The following PCM1 variants were observed in gnomAD, a reference collection of about 807,000 sequenced individuals.
The protein encoded by PCM1 is pericentriolar material 1, also known as pericentriolar material 1 protein.
A neutral mutation model predicts 241.9 loss-of-function variants in PCM1; 157 were observed. The observed-to-expected ratio is 0.65, with a 90% CI of 0.57 to 0.74. The LOEUF (loss-of-function observed/expected upper bound fraction) is 0.74, where lower values mean the gene tolerates loss of function less well. Among genes scored for constraint, PCM1 ranks in the 30% least tolerant of loss-of-function variants. The pLI is 0.00. For missense variants in PCM1, 3,478 were observed against 2,360.1 expected (o/e 1.47, Z -9.81); for synonymous variants, 1,085 against 784.9 (o/e 1.38, Z -6.39).
chr8:17,959,492 A>G (rs1274841924), intron 13 of PCM1, among the ~76,000 whole-genome samples: 1 of 152,116 alleles, frequency 6.6e-6, no homozygotes, highest in Admixed American at 6.5e-5. Context: ...GCTTTTGTGC[A>G]TTTGTGTTTT....
intron 29 of PCM1, among the ~76,000 whole-genome samples, chr8:18,000,655 CT>C (rs1292661708): frequency 4.6e-5 from 7 of 152,068 alleles, no homozygotes; most frequent in African/African-American, 1.7e-4. Flanking sequence ...GAGGCTCACT[CT>C]TATCACCCAG....
At chr8:17,944,031 A>G (rs1271568562) in intron 6 of PCM1, among the ~76,000 whole-genome samples, 2 of 152,230 alleles carry the variant, frequency 1.3e-5, no homozygotes, top group Non-Finnish European at 2.9e-5. Context: ...GGCAAAAGAA[A>G]GCCTTCTACG....
intron 33 of PCM1, 113 bp downstream of exon 33, chr8:18,011,479 T>A: frequency 8.9e-7 from 1 of 1,128,942 alleles, no homozygotes; most frequent in South Asian, 1.8e-5. Context: ...GAACTCTGAT[T>A]TTGAATTTCA....
chr8:17,967,741 C>G (rs760882967), intron 21 of PCM1, among the ~76,000 whole-genome samples: 2 of 152,330 alleles, frequency 1.3e-5, no homozygotes, highest in Non-Finnish European at 2.9e-5. Context: ...ATACTAGGCA[C>G]TGTGTAAAAC....
intron 21 of PCM1, among the ~76,000 whole-genome samples, chr8:17,968,052 C>T (rs1244804075): frequency 6.7e-5 from 9 of 133,556 alleles, no homozygotes; most frequent in Non-Finnish European, 1.1e-4. Flanking sequence ...TCAGTTCCGC[C>T]GCCAAAAAAA....
At chr8:17,962,534 T>C (rs139255979) in intron 16 of PCM1, among the ~76,000 whole-genome samples, 67 of 152,258 alleles carry the variant, frequency 4.4e-4, no homozygotes, top group African/African-American at 1.5e-3. Context: ...CCTTTGACAT[T>C]TTATTTATAT....
chr8:18,014,688 T>A lies in PCM1; in HGVS notation c.5689T>A (p.Ser1897Thr). ...TAAGGAGTCACCTCCTACTGTTGAT[T>A]CAACTCAACAGCCTAACCCTTTGCC... ...AHKESPPTVD[S>T]TQQPNPLPLR... Residue 1897 changes from serine (S) to threonine (T), a missense_variant, in exon 36 of 39, where the codon TCA becomes ACA. Physicochemically the swap from Ser to Thr is moderately conservative, Grantham distance 58. Coordinates refer to ENST00000325083, the MANE Select transcript of PCM1 (RefSeq NM_006197.4). The A allele has an allele frequency of 6.2e-7, 1 of 1,613,872 alleles. No individual in the cohort carries two copies. The highest frequency in any genetic ancestry group is 8.5e-7 in the Non-Finnish European group (1 of 1,179,860).
chr8:18,009,432 A>G lies in PCM1; in HGVS notation c.4963-115A>G, dbSNP rs529709414. The G allele has an allele frequency of 3.4e-5, 23 of 677,920 alleles. No individual in the cohort carries two copies. In the African/African-American group the frequency reaches 3.8e-4, roughly 11 times the overall value. 42.0% of individuals were successfully genotyped at this position (677,920 alleles called of 1,614,324 possible). ...TATTCTTTAGTAATACTAACAACCTATCTTTCCTTAGTAATCATAAACATT... is the reference window on the plus strand; with the variant it reads ...TATTCTTTAGTAATACTAACAACCTGTCTTTCCTTAGTAATCATAAACATT... On this transcript the variant is annotated intron_variant, in intron 30 of 38. Transcript: ENST00000325083.
Position 18,023,298 on chromosome 8 carries a change from C to T in PCM1, c.5842-2063C>T, listed in dbSNP as rs118016637. Reference sequence around the variant, plus strand: ...TGTTTGTACATGAAGTGATCCCTTACAAAAGAACTCCCTGTGATCTCCCAA... The same window carrying T: ...TGTTTGTACATGAAGTGATCCCTTATAAAAGAACTCCCTGTGATCTCCCAA... On this transcript the variant is annotated intron_variant, in intron 36 of 38. Coordinates refer to ENST00000325083, the MANE Select transcript of PCM1 (RefSeq NM_006197.4). 3.2e-4 allele frequency among the ~76,000 whole-genome samples: 49 copies of T among 152,266 alleles called. No homozygotes were observed. The East Asian group carries it at 8.5e-3, about 26-fold the overall frequency.
rs2068127512 is a variant in PCM1, at chr8:17,955,846, T to TA, written c.1472+194dup. The stretch of plus-strand genomic sequence containing the variant: ...GTTGTCTAAGAGATGTGATGTAACA[T>TA]AGTTTCTGTGAACTGATGTTACTTT... On this transcript the variant is annotated intron_variant, in intron 10 of 38. Coordinates refer to ENST00000325083, the MANE Select transcript of PCM1 (RefSeq NM_006197.4). 88 of 587,828 alleles carry TA rather than the reference T, an allele frequency of 1.5e-4. 2 individuals are homozygous for TA. The South Asian group carries it at 1.8e-3, about 12-fold the overall frequency. The allele number at this position is 587,828 out of a possible 1,614,324, so 36.4% of individuals were successfully genotyped here. A position where few individuals can be genotyped will look rare whatever the true frequency, so the allele number is the denominator to read the frequency against.
At chr8:18,001,526 C>T (rs1436278138) in intron 29 of PCM1, among the ~76,000 whole-genome samples, 1 of 152,152 alleles carries the variant, frequency 6.6e-6, no homozygotes, top group African/African-American at 2.4e-5. Flanking sequence ...CAGATGGAGA[C>T]ATGTGCAACA....
chr8:18,018,911 T>TATAA (rs748291486), intron 36 of PCM1, among the ~76,000 whole-genome samples: 12,268 of 123,544 alleles, frequency 0.099, 1,026 homozygotes, highest in East Asian at 0.27. Flanking sequence ...TATATATATA[T>TATAA]AAATATATAA....
chr8:18,008,034 A>G (rs768871535), intron 30 of PCM1, among the ~76,000 whole-genome samples: 2 of 152,238 alleles, frequency 1.3e-5, no homozygotes, highest in Non-Finnish European at 2.9e-5. Flanking sequence ...TTATTCAAGC[A>G]CAGTGTTGGA....
At chr8:18,021,045 T>C (rs147811005) in intron 36 of PCM1, among the ~76,000 whole-genome samples, 1 of 152,308 alleles carries the variant, frequency 6.6e-6, no homozygotes, top group African/African-American at 2.4e-5. Flanking sequence ...ATATGCATTT[T>C]GAATGAACTC....
rs957724175 is a variant in PCM1 at position 17,955,538 on chromosome 8, G to T, written c.1357G>T (p.Val453Phe). The T allele has an allele frequency of 1.1e-5, 17 of 1,613,556 alleles. No homozygotes were observed. The highest frequency in any genetic ancestry group is 1.2e-5 in the Non-Finnish European group (14 of 1,179,716). Residue 453 changes from valine (V) to phenylalanine (F), a missense_variant, in exon 10 of 39, where the codon GTT becomes TTT. By Grantham distance (50) the Val-to-Phe change is conservative. Coordinates refer to ENST00000325083, the MANE Select transcript of PCM1 (RefSeq NM_006197.4). ...CTCTGCTTCTGTAGGCTTGGCACCG[G>T]TTGTCAATGGAGAATCCAATAGCCT... is the stretch of plus-strand genomic sequence containing the variant. Reference protein sequence around the residue: ...APSASVGLAPVVNGESNSLTS... With the variant: ...APSASVGLAPFVNGESNSLTS...
At chr8:18,008,946 C>G (rs1326098701) in intron 30 of PCM1, among the ~76,000 whole-genome samples, 1 of 152,136 alleles carries the variant, frequency 6.6e-6, no homozygotes, top group African/African-American at 2.4e-5. Context: ...TCTTGAAATC[C>G]TATTTTCTTT....
intron 6 of PCM1, among the ~76,000 whole-genome samples, chr8:17,943,107 C>G (rs922962922): frequency 6.6e-6 from 1 of 150,980 alleles, no homozygotes; most frequent in Admixed American, 6.6e-5. Context: ...AGACTAATTT[C>G]ATATGTTTTA....
At chr8:18,023,734 G>A (rs1436576671) in intron 36 of PCM1, among the ~76,000 whole-genome samples, 18 of 152,192 alleles carry the variant, frequency 1.2e-4, no homozygotes, top group Admixed American at 1.1e-3. Flanking sequence ...CAGTTACTGT[G>A]TTTTCTTCCT....
rs2068649063 is a variant in PCM1 at position 17,956,677 on chromosome 8, A to T, written c.1546A>T (p.Met516Leu). Residue 516 changes from methionine to leucine, a missense_variant, in exon 11 of 39, where the codon ATG becomes TTG. Transcript: ENST00000325083. The part of the protein sequence containing the change: ...LVHYYEQTSD[M>L]MTDAVNENRK... ...TCATTATTATGAACAAACGTCAGACATGATGACAGATGCTGTGAATGAAAA... is the reference window on the plus strand; with the variant it reads ...TCATTATTATGAACAAACGTCAGACTTGATGACAGATGCTGTGAATGAAAA... 5 of 1,599,032 alleles carry T rather than the reference A, an allele frequency of 3.1e-6. No homozygotes were observed. Among genetic ancestry groups the T allele is most frequent in the Non-Finnish European group, 4.3e-6 (5 of 1,168,574 alleles).
Sources: allele counts gnomAD v4.1 joint callset (sites outside exome capture counted in the v4.1 genomes callset), GRCh38; gene constraint gnomAD v4.1.1; transcripts MANE v1.5; gene names NCBI Gene and HGNC (gene_info 2026-07-23, HGNC 2026-07-21).